Variants in PREP observed in about 807,000 individuals in gnomAD.
PREP encodes prolyl endopeptidase.
PREP carries 29 observed loss-of-function variants against 87.6 expected under a neutral mutation model. The ratio of observed to expected loss-of-function variants is 0.33; its 90% CI spans 0.25 to 0.45. The LOEUF (loss-of-function observed/expected upper bound fraction) is 0.45, where lower values mean the gene tolerates loss of function less well. Ranked by LOEUF, PREP falls within the 20% of genes least tolerant of loss-of-function variation. The pLI is 1.00. For synonymous variants in PREP, 337 were observed against 328.6 expected, an observed-to-expected ratio of 1.03 and a Z score of -0.28; for missense variants, 695 against 886.5, an observed-to-expected ratio of 0.78 and a Z score of 2.74.
chr6:105,328,609 G>C (rs1771234624), intron 9 of PREP, among the ~76,000 whole-genome samples: 1 of 152,196 alleles, frequency 6.6e-6, no homozygotes, highest in African/African-American at 2.4e-5. Context: ...CAGAGGAACA[G>C]AGACTTGGAA....
chr6:105,366,335 A>G (rs1196675723), intron 6 of PREP, among the ~76,000 whole-genome samples: 1 of 152,240 alleles, frequency 6.6e-6, no homozygotes, highest in Non-Finnish European at 1.5e-5. Flanking sequence ...TCAGGGAAAC[A>G]GTGTACACAG....
chr6:105,328,202 CA>C (rs1310565607), intron 9 of PREP, among the ~76,000 whole-genome samples: 3 of 152,044 alleles, frequency 2.0e-5, no homozygotes, highest in Non-Finnish European at 2.9e-5. Context: ...TTTGTATCTG[CA>C]CTGTGTTCTC....
chr6:105,371,160 A>G (rs749949727), intron 5 of PREP, among the ~76,000 whole-genome samples: 36 of 152,308 alleles, frequency 2.4e-4, no homozygotes, highest in Admixed American at 7.2e-4. Context: ...TTTCCTCTCA[A>G]TTTTGCTGTT....
chr6:105,321,374 G>A (rs76059056), intron 10 of PREP, among the ~76,000 whole-genome samples: 4,706 of 152,312 alleles, frequency 0.031, 82 homozygotes, highest in Non-Finnish European at 0.045. Flanking sequence ...TTTGGGAAGT[G>A]GAGAGCCAGG....
intron 7 of PREP, among the ~76,000 whole-genome samples, chr6:105,348,103 C>T (rs980879129): frequency 2.0e-5 from 3 of 152,096 alleles, no homozygotes; most frequent in African/African-American, 4.8e-5. Flanking sequence ...GTCATGCTAG[C>T]CTGGTGTCTT....
intron 10 of PREP, among the ~76,000 whole-genome samples, chr6:105,313,944 T>G (rs1018157083): frequency 2.6e-5 from 4 of 152,102 alleles, no homozygotes; most frequent in Admixed American, 2.6e-4. Flanking sequence ...CACTAAGACT[T>G]AAATAAAAAT....
At chr6:105,385,283 T>TAAAAAAAAAAAAAA (rs11354337) in intron 2 of PREP, among the ~76,000 whole-genome samples, 1 of 122,654 alleles carries the variant, frequency 8.2e-6, no homozygotes, top group Non-Finnish European at 1.7e-5. Context: ...AGATCTGCTT[T>TAAAAAAAAAAAAAA]AAAAAAAAAA....
At chr6:105,380,347 G>C (rs1443956240) in intron 2 of PREP, among the ~76,000 whole-genome samples, 1 of 152,206 alleles carries the variant, frequency 6.6e-6, no homozygotes, top group East Asian at 1.9e-4. Flanking sequence ...GAGGCCAGAC[G>C]ACCAGACATG....
intron 5 of PREP, among the ~76,000 whole-genome samples, chr6:105,369,461 T>C (rs1464802845): frequency 6.6e-6 from 1 of 152,224 alleles, no homozygotes; most frequent in Non-Finnish European, 1.5e-5. Flanking sequence ...ACAAACTGAT[T>C]CTAAAGTTCA....
chr6:105,326,931 T>C (rs74997369), intron 9 of PREP, among the ~76,000 whole-genome samples: 3,469 of 152,224 alleles, frequency 0.023, 54 homozygotes, highest in Non-Finnish European at 0.035. Context: ...CAGTCACGGG[T>C]AATATTTCAT....
intron 10 of PREP, among the ~76,000 whole-genome samples, chr6:105,293,722 T>A (rs1002853901): frequency 6.6e-6 from 1 of 152,112 alleles, no homozygotes; most frequent in Admixed American, 6.5e-5. Context: ...GTGCACACAC[T>A]CAGCAGTATT....
chr6:105,306,674 A>T (rs1213611113), intron 10 of PREP, among the ~76,000 whole-genome samples: 2 of 152,050 alleles, frequency 1.3e-5, no homozygotes, highest in Non-Finnish European at 2.9e-5. Flanking sequence ...AAAATGTGAG[A>T]CTGTGGTCCT....
At chr6:105,402,001 G>T (rs1441225240) in intron 1 of PREP, among the ~76,000 whole-genome samples, 1 of 152,096 alleles carries the variant, frequency 6.6e-6, no homozygotes, top group Admixed American at 6.5e-5. Flanking sequence ...TTCCTAAGTC[G>T]TCAAATTCAC....
At chr6:105,306,970 T>A (rs1770670017) in intron 10 of PREP, among the ~76,000 whole-genome samples, 1 of 152,230 alleles carries the variant, frequency 6.6e-6, no homozygotes, top group South Asian at 2.1e-4. Flanking sequence ...GCTATTCATT[T>A]CCACTGGATT....
intron 4 of PREP, among the ~76,000 whole-genome samples, chr6:105,375,211 A>C (rs948600505): frequency 6.6e-6 from 1 of 152,110 alleles, no homozygotes; most frequent in Admixed American, 6.5e-5. Flanking sequence ...TGTTTGTATA[A>C]AAAAGGGTCT....
intron 2 of PREP, among the ~76,000 whole-genome samples, chr6:105,392,096 G>A (rs1277724601): frequency 1.4e-5 from 2 of 148,080 alleles, no homozygotes; most frequent in Non-Finnish European, 3.0e-5. Context: ...CCAGGCTGGA[G>A]TGCAGTGGCA....
intron 2 of PREP, among the ~76,000 whole-genome samples, chr6:105,385,249 T>C (rs1583101125): frequency 6.6e-6 from 1 of 150,572 alleles, no homozygotes; most frequent in East Asian, 1.9e-4. Flanking sequence ...CTAGAAGCTT[T>C]TAAGCATGAA....
At chr6:105,317,486 A>C (rs1404149766) in intron 10 of PREP, among the ~76,000 whole-genome samples, 44 of 152,228 alleles carry the variant, frequency 2.9e-4, no homozygotes, top group Non-Finnish European at 2.6e-4. Context: ...ATGTACGTGC[A>C]ATTGGAAGGC....
chr6:105,387,688 G>A (rs1021723991), intron 2 of PREP, among the ~76,000 whole-genome samples: 1 of 152,058 alleles, frequency 6.6e-6, no homozygotes, highest in Non-Finnish European at 1.5e-5. Flanking sequence ...ATCTCATAAT[G>A]TTTTCAGAGT....
Sources: allele counts gnomAD v4.1 joint callset (sites outside exome capture counted in the v4.1 genomes callset), GRCh38; gene constraint gnomAD v4.1.1; transcripts MANE v1.5; gene names NCBI Gene and HGNC (gene_info 2026-07-23, HGNC 2026-07-21).